RALGPS1: variants seen among roughly 807,000 people sequenced by gnomAD.
RALGPS1 encodes Ral GEF with PH domain and SH3 binding motif 1.
A neutral mutation model predicts 78.8 loss-of-function variants in RALGPS1; 19 were observed. The ratio of observed to expected loss-of-function variants is 0.24; its 90% CI spans 0.17 to 0.35. The LOEUF (loss-of-function observed/expected upper bound fraction) is 0.35, where lower values mean the gene tolerates loss of function less well. Among genes scored for constraint, RALGPS1 ranks in the 10% least tolerant of loss-of-function variants. RALGPS1 has a pLI of 1.00. For synonymous variants in RALGPS1, 228 were observed against 256.3 expected (o/e 0.89, Z 1.06); for missense variants, 454 against 688.3 (o/e 0.66, Z 3.81).
At chr9:127,070,272 G>A (rs1022115018) in intron 8 of RALGPS1, among the ~76,000 whole-genome samples, 1 of 152,166 alleles carries the variant, frequency 6.6e-6, no homozygotes, top group Non-Finnish European at 1.5e-5. Context: ...CTAGCCCATC[G>A]CTCACCTCTT....
intron 8 of RALGPS1, among the ~76,000 whole-genome samples, chr9:127,100,590 C>T (rs890486784): frequency 6.6e-6 from 1 of 152,170 alleles, no homozygotes; most frequent in Non-Finnish European, 1.5e-5. Flanking sequence ...GCCAGTTGTA[C>T]CCAAGGCTTC....
In RALGPS1 at chr9:127,218,488, G is replaced by A. The variant is rs967463008; in HGVS notation, c.1645-252G>A. On this transcript the variant is annotated intron_variant, in intron 18 of 18. Coordinates refer to ENST00000259351, the MANE Select transcript of RALGPS1 (RefSeq NM_014636.3). The surrounding 1 kb of genome is among the most constrained non-coding windows in gnomAD (Gnocchi z 4.4). The stretch of plus-strand genomic sequence containing the variant: ...AGTTTCCTGTCTTTGTAATGAGGAC[G>A]ATCCCAGTGCCTGCCCCAGGGGTTG... 3.9e-5 allele frequency among the ~76,000 whole-genome samples: 6 copies of A among 152,190 alleles called. No individual in the cohort carries two copies. The highest frequency in any genetic ancestry group is 7.4e-5 in the Non-Finnish European group (5 of 68,026).
At chr9:127,155,353 A>AG (rs1323054040) in intron 8 of RALGPS1, among the ~76,000 whole-genome samples, 1 of 152,206 alleles carries the variant, frequency 6.6e-6, no homozygotes, top group African/African-American at 2.4e-5. Context: ...AGGAAAGGAC[A>AG]GTGTGCTGCG....
intron 1 of RALGPS1, among the ~76,000 whole-genome samples, chr9:126,960,892 T>C (rs2038845240): frequency 6.6e-6 from 1 of 152,200 alleles, no homozygotes; most frequent in African/African-American, 2.4e-5. Flanking sequence ...CTGGTACTTC[T>C]GCCTCCCTCC....
At chr9:126,919,539 TATCTA>T (rs1198416581) in intron 1 of RALGPS1, among the ~76,000 whole-genome samples, 1 of 152,274 alleles carries the variant, frequency 6.6e-6, no homozygotes, top group African/African-American at 2.4e-5. Context: ...TGGAACAATT[TATCTA>T]ATCTTTTTGC....
At chr9:127,102,535 T>TA (rs2053840247) in intron 8 of RALGPS1, among the ~76,000 whole-genome samples, 1 of 152,206 alleles carries the variant, frequency 6.6e-6, no homozygotes, top group Non-Finnish European at 1.5e-5. Context: ...AAGATTTTTT[T>TA]AACAGTAACA....
At chr9:126,957,201 G>A (rs2038427433) in intron 1 of RALGPS1, among the ~76,000 whole-genome samples, 1 of 152,268 alleles carries the variant, frequency 6.6e-6, no homozygotes. Context: ...CTGAAGAAGT[G>A]GGTAGCGTGG....
chr9:127,035,578 C>A (rs888245684), intron 5 of RALGPS1, among the ~76,000 whole-genome samples: 2 of 152,096 alleles, frequency 1.3e-5, no homozygotes, highest in African/African-American at 4.8e-5. Context: ...CCCTTTGGGC[C>A]CTCTCTCCAG....
chr9:127,196,721 C>T, intron 13 of RALGPS1, 90 bp downstream of exon 13: 4 of 1,416,660 alleles, frequency 2.8e-6, no homozygotes, highest in Non-Finnish European at 2.8e-6. Context: ...GTGCCATGCC[C>T]AGTGGCGCTA....
chr9:127,192,656 T>A (rs1380020501), intron 11 of RALGPS1, among the ~76,000 whole-genome samples: 1 of 150,894 alleles, frequency 6.6e-6, no homozygotes, highest in Non-Finnish European at 1.5e-5. Flanking sequence ...AGACCCTGTG[T>A]CAAAAAAAAA....
At chr9:127,011,660 CAGTT>C (rs776949857) in intron 4 of RALGPS1, among the ~76,000 whole-genome samples, 36 of 152,144 alleles carry the variant, frequency 2.4e-4, no homozygotes, top group Admixed American at 9.2e-4. Flanking sequence ...TTGACTGAGA[CAGTT>C]AGGTTGACTC....
intron 4 of RALGPS1, among the ~76,000 whole-genome samples, chr9:127,004,076 C>T (rs1162296463): frequency 1.3e-5 from 2 of 152,172 alleles, no homozygotes; most frequent in Non-Finnish European, 2.9e-5. Flanking sequence ...GTATCAGTTA[C>T]TTTGCCGTAG....
chr9:127,196,696 T>C (rs2061366568), intron 13 of RALGPS1, 65 bp downstream of exon 13: 1 of 1,482,420 alleles, frequency 6.7e-7, no homozygotes, highest in South Asian at 1.4e-5. Flanking sequence ...GCTCCGTGTC[T>C]GTCTCTGTGT....
At chr9:126,997,502 G>A (rs1045577005) in intron 4 of RALGPS1, among the ~76,000 whole-genome samples, 4 of 152,148 alleles carry the variant, frequency 2.6e-5, no homozygotes, top group Non-Finnish European at 5.9e-5. Flanking sequence ...ACAAACCACT[G>A]CTCAATGAAA....
intron 11 of RALGPS1, among the ~76,000 whole-genome samples, chr9:127,188,057 T>TC (rs2060771644): frequency 1.5e-4 from 2 of 13,714 alleles, no homozygotes; most frequent in African/African-American, 6.0e-4. Context: ...AATTAGAGCC[T>TC]TTTTTTTTTT....
chr9:127,112,668 C>T (rs929413413), intron 8 of RALGPS1, among the ~76,000 whole-genome samples: 1 of 152,254 alleles, frequency 6.6e-6, no homozygotes, highest in Non-Finnish European at 1.5e-5. Context: ...GATGATCCAA[C>T]CCACCTTGCA....
At chr9:126,982,674 A>G (rs759527190) in intron 4 of RALGPS1, among the ~76,000 whole-genome samples, 7 of 152,042 alleles carry the variant, frequency 4.6e-5, no homozygotes, top group Admixed American at 2.0e-4. Context: ...CTTGCTCTAG[A>G]TACATGCCTT....
rs142320094 is a variant in RALGPS1, at chr9:127,161,799, A to G, written c.611-4270A>G. Among the ~76,000 whole-genome samples, 56 of 152,308 alleles carry G rather than the reference A, an allele frequency of 3.7e-4. No individual in the cohort carries two copies. The East Asian group carries it at 9.7e-3, about 26-fold the overall frequency. ...GGAGTAAAAGAAGAACCGCCCATAG[A>G]CAACCTGGACAGACCTGTGCTCAAA... On this transcript the variant is annotated intron_variant, in intron 8 of 18. Coordinates refer to ENST00000259351, the MANE Select transcript of RALGPS1 (RefSeq NM_014636.3).
At chr9:126,975,088 G>A (rs893016021) in intron 3 of RALGPS1, among the ~76,000 whole-genome samples, 2 of 152,110 alleles carry the variant, frequency 1.3e-5, no homozygotes, top group Non-Finnish European at 2.9e-5. Flanking sequence ...TCGATAATCT[G>A]ATGATCTTTG....
Sources: gnomAD v4.1 joint callset for allele counts (sites outside exome capture counted in the v4.1 genomes callset) on GRCh38, gnomAD v4.1.1 for gene constraint, Gnocchi (gnomAD v3.1) non-coding constraint, MANE v1.5 for transcripts, NCBI Gene and HGNC (gene_info 2026-07-23, HGNC 2026-07-21) for gene names.